The following TYK2 variants were observed in gnomAD, a reference collection of about 807,000 sequenced individuals.
The protein encoded by TYK2 is tyrosine kinase 2.
TYK2 carries 65 observed loss-of-function variants against 130.9 expected under a neutral mutation model. That is an observed-to-expected ratio of 0.50 (90% CI 0.41 to 0.61). The LOEUF (loss-of-function observed/expected upper bound fraction) is 0.61, where lower values mean the gene tolerates loss of function less well. Ranked by LOEUF, TYK2 falls within the 20% of genes least tolerant of loss-of-function variation. The pLI is 0.00. For missense variants in TYK2, 1,378 were observed against 1,610.7 expected (o/e 0.86, Z 2.47); for synonymous variants, 647 against 658.9 (o/e 0.98, Z 0.28).
rs2145150704 is a variant in TYK2, at chr19:10,353,705, T to C, written c.2909-59A>G. ...GATAGAGGGCGGGCCGGGGACCGCC[T>C]ACCTTGAGCCCAGCAGAGCCCCTCC... On this transcript the variant is annotated intron_variant, in intron 20 of 24. Coordinates refer to ENST00000525621, the MANE Select transcript of TYK2 (RefSeq NM_003331.5). The surrounding 1 kb of genome is among the most constrained non-coding windows in gnomAD (Gnocchi z 6.9). 1 of 1,285,716 alleles carries C rather than the reference T, an allele frequency of 7.8e-7. No homozygotes were observed. Among genetic ancestry groups the C allele is most frequent in the Non-Finnish European group, 1.1e-6 (1 of 950,332 alleles). The allele number at this position is 1,285,716 out of a possible 1,614,324, so 79.6% of individuals were successfully genotyped here.
chr19:10,360,331 C>CA (rs1188432993), intron 14 of TYK2, among the ~76,000 whole-genome samples: 1 of 151,950 alleles, frequency 6.6e-6, no homozygotes, highest in Non-Finnish European at 1.5e-5. Flanking sequence ...CCCATCTCTA[C>CA]AAAAAATTTT....
rs746601876 is a variant in TYK2 at position 10,364,991 on chromosome 19, T to C, written c.1069A>G (p.Lys357Glu). ...GGCTGGCCGACTGCCTTGTGAGCCT[T>C]GGCCTTCTTCCCAAACAGGCTGGCT... ...PQASLFGKKA[K>E]AHKAVGQPAD... Residue 357 changes from lysine (K) to glutamate (E), a missense_variant, in exon 8 of 25, where the codon AAG becomes GAG. Coordinates refer to ENST00000525621, the MANE Select transcript of TYK2 (RefSeq NM_003331.5). The surrounding 1 kb of genome is among the most constrained non-coding windows in gnomAD (Gnocchi z 4.9). The C allele has an allele frequency of 1.9e-6, 3 of 1,613,474 alleles. No individual in the cohort carries two copies. In the South Asian group the frequency reaches 3.3e-5, roughly 18 times the overall value.
At chr19:10,376,421 C>A (rs1044115808) in intron 3 of TYK2, among the ~76,000 whole-genome samples, 1 of 132,428 alleles carries the variant, frequency 7.6e-6, no homozygotes, top group African/African-American at 3.1e-5. Context: ...TATTCTCCTG[C>A]CTCAGCCTTC....
intron 14 of TYK2, among the ~76,000 whole-genome samples, chr19:10,360,136 C>G (rs2041326512): frequency 6.6e-6 from 1 of 150,674 alleles, no homozygotes; most frequent in African/African-American, 2.4e-5. Context: ...GAGCCGAGAT[C>G]ACGCCACTGT....
chr19:10,354,332 C>G (rs1383356771), intron 19 of TYK2, 98 bp from the exon 20 acceptor site: 1 of 1,479,160 alleles, frequency 6.8e-7, no homozygotes. Context: ...CAGATCCTTT[C>G]GGAATACCCC....
intron 3 of TYK2, among the ~76,000 whole-genome samples, chr19:10,371,509 G>T (rs567601916): frequency 6.6e-6 from 1 of 151,808 alleles, no homozygotes. Context: ...GCGTGGTGGC[G>T]CATGCCTGTA....
In TYK2 at chr19:10,353,002, A is replaced by T; in HGVS notation, c.3124T>A (p.Phe1042Ile). ...TCGGGCACGGCCTTGGCTAGGCCAA[A>T]GTCCCCGATCTTGACCAGCCTGTCG... ...DNDRLVKIGD[F>I]GLAKAVPEGH... The change falls in exon 22 of 25, where the codon TTT (phenylalanine) becomes ATT (isoleucine). Residue 1042 changes from phenylalanine to isoleucine, a missense_variant. Transcript: ENST00000525621. The surrounding 1 kb of genome is among the most constrained non-coding windows in gnomAD (Gnocchi z 6.9). The T allele has an allele frequency of 6.2e-7, 1 of 1,604,320 alleles. No individual in the cohort carries two copies. The highest frequency in any genetic ancestry group is 2.2e-5 in the East Asian group (1 of 44,540).
At chr19:10,370,211 T>C (rs1451189327) in intron 3 of TYK2, among the ~76,000 whole-genome samples, 2 of 149,242 alleles carry the variant, frequency 1.3e-5, no homozygotes, top group African/African-American at 5.0e-5. Context: ...AAAAAAAAAA[T>C]AGCTGGACCT....
chr19:10,361,300 C>T lies in TYK2; in HGVS notation c.2047+211G>A. The T allele has an allele frequency of 1.7e-5, 11 of 631,652 alleles. No homozygotes were observed. Among genetic ancestry groups the T allele is most frequent in the Non-Finnish European group, 3.2e-5 (11 of 347,722 alleles). The allele number at this position is 631,652 out of a possible 1,614,324, so 39.1% of individuals were successfully genotyped here. A position where few individuals can be genotyped will look rare whatever the true frequency, so the allele number is the denominator to read the frequency against. ...GAGACTGAGGGCAGGTGAGGGTCGA[C>T]GTGTTGGGATGTAAGTTATGGGCTG... On this transcript the variant is annotated intron_variant, in intron 14 of 24. Transcript: ENST00000525621. This position sits in a 1 kb window ranked among gnomAD's most constrained non-coding sequence, Gnocchi z 4.0.
chr19:10,361,554 C>A lies in TYK2; in HGVS notation c.2004G>T (p.Thr668=). The stretch of plus-strand genomic sequence containing the variant: ...AGACGCCATGCACGAAGGCCAGGTG[C>A]GTGTGGGAGACCTGGCTCATGAGGC... The part of the protein sequence containing the change: ...TASLMSQVSH[T]HLAFVHGVCV... Residue 668 remains threonine, a synonymous_variant, in exon 14 of 25, where the codon ACG becomes ACT. Coordinates refer to ENST00000525621, the MANE Select transcript of TYK2 (RefSeq NM_003331.5). This position sits in a 1 kb window ranked among gnomAD's most constrained non-coding sequence, Gnocchi z 4.0. The A allele has an allele frequency of 6.5e-7, 1 of 1,548,006 alleles. No homozygotes were observed. Among genetic ancestry groups the A allele is most frequent in the Non-Finnish European group, 8.7e-7 (1 of 1,146,924 alleles).
At position 10,353,942 on chromosome 19, in the gene TYK2, G is replaced by C. The variant is rs2040945492; in HGVS notation, c.2908+100C>G. 2 of 1,274,006 alleles carry C rather than the reference G, an allele frequency of 1.6e-6. No homozygotes were observed. The highest frequency in any genetic ancestry group is 2.3e-6 in the Non-Finnish European group (2 of 888,692). 78.9% of individuals were successfully genotyped at this position (1,274,006 alleles called of 1,614,324 possible). On this transcript the variant is annotated intron_variant, in intron 20 of 24. Transcript: ENST00000525621. The surrounding 1 kb of genome is among the most constrained non-coding windows in gnomAD (Gnocchi z 6.9). ...CGCGTACTGCAGCCTGGGGTTGAGA[G>C]TCTCTAATTGGCTAGGCCAGACTGG...
At chr19:10,359,474 C>A (rs2041282364) in intron 14 of TYK2, among the ~76,000 whole-genome samples, 172 bp from the exon 15 acceptor site, 1 of 152,050 alleles carries the variant, frequency 6.6e-6, no homozygotes, top group Non-Finnish European at 1.5e-5. Flanking sequence ...AGAAGAAATG[C>A]GGAATGCAGC....
At position 10,359,270 on chromosome 19, in the gene TYK2, G is replaced by A. The variant is rs751325446; in HGVS notation, c.2080C>T (p.Pro694Ser). 1 of 1,611,984 alleles carries A rather than the reference G, an allele frequency of 6.2e-7. No homozygotes were observed. Among genetic ancestry groups the A allele is most frequent in the Admixed American group, 1.7e-5 (1 of 59,982 alleles). ...TCCCTCCGCAGCCACACATCCAGGG[G>A]TCCGTGCTCCACGTACTCTGTCACC... ...IMVTEYVEHG[P>S]LDVWLRRERG... The change falls in exon 15 of 25, where the codon CCC (proline) becomes TCC (serine). Residue 694 changes from proline (P) to serine (S), a missense_variant. Physicochemically the swap from Pro to Ser is moderately conservative, Grantham distance 74 (BLOSUM62 -1). Coordinates refer to ENST00000525621, the MANE Select transcript of TYK2 (RefSeq NM_003331.5).
chr19:10,353,080 C>A lies in TYK2; in HGVS notation c.3046G>T (p.Ala1016Ser), dbSNP rs17851123. ...QICEGMAYLH[A>S]QHYIHRDLAA... ...AGGTCTCGGTGGATGTAGTGCTGCGCGTGCAGATAGGCCATGCCCTGGGGA... is the reference window on the plus strand; with the variant it reads ...AGGTCTCGGTGGATGTAGTGCTGCGAGTGCAGATAGGCCATGCCCTGGGGA... Residue 1016 changes from alanine to serine, a missense_variant, in exon 22 of 25, where the codon GCG becomes TCG. Physicochemically the swap from Ala to Ser is moderately conservative, Grantham distance 99. Coordinates refer to ENST00000525621, the MANE Select transcript of TYK2 (RefSeq NM_003331.5). This position sits in a 1 kb window ranked among gnomAD's most constrained non-coding sequence, Gnocchi z 6.9. The A allele has an allele frequency of 6.5e-7, 1 of 1,549,952 alleles. No homozygotes were observed.
At position 10,378,201 on chromosome 19, in the gene TYK2, G is replaced by C. The variant is rs578020386; in HGVS notation, c.193+13C>G. 2 of 1,612,370 alleles carry C rather than the reference G, an allele frequency of 1.2e-6. No homozygotes were observed. Among genetic ancestry groups the C allele is most frequent in the Non-Finnish European group, 1.7e-6 (2 of 1,179,772 alleles). The stretch of plus-strand genomic sequence containing the variant: ...CCACCCCAGTCCCCATGGTGCCAAC[G>C]CCCCAGACTCACCAACTTTATGTGC... On this transcript the variant is annotated intron_variant, in intron 3 of 24. Coordinates refer to ENST00000525621, the MANE Select transcript of TYK2 (RefSeq NM_003331.5).
At chr19:10,359,622 G>T (rs1207837338) in intron 14 of TYK2, among the ~76,000 whole-genome samples, 1 of 151,524 alleles carries the variant, frequency 6.6e-6, no homozygotes, top group African/African-American at 2.4e-5. Flanking sequence ...GAGGCAGGTG[G>T]ATCACCTGAG....
chr19:10,378,933 A>G (rs531613184), intron 2 of TYK2, among the ~76,000 whole-genome samples: 24 of 152,112 alleles, frequency 1.6e-4, no homozygotes, highest in African/African-American at 5.5e-4. Context: ...CAATGGTACA[A>G]TCTTGCTCAC....
At chr19:10,360,867 T>G in intron 14 of TYK2, 1 of 221,498 alleles carries the variant, frequency 4.5e-6, no homozygotes, top group Non-Finnish European at 9.3e-6. Flanking sequence ...ATCCTTCCAT[T>G]CCAGCCTCAC....
chr19:10,353,343 T>C lies in TYK2; in HGVS notation c.3027+185A>G. 5.2e-6 allele frequency: 3 copies of C among 576,000 alleles called. No individual in the cohort carries two copies. The highest frequency in any genetic ancestry group is 9.0e-6 in the Non-Finnish European group (3 of 332,146). The allele number at this position is 576,000 out of a possible 1,614,324, so 35.7% of individuals were successfully genotyped here. Reference sequence around the variant, plus strand: ...TGGGAGGGGCCGAGCCGGCTGTGCGTGGTCCCTTGGGAGGAGGGGGTGTGG... The same window carrying C: ...TGGGAGGGGCCGAGCCGGCTGTGCGCGGTCCCTTGGGAGGAGGGGGTGTGG... On this transcript the variant is annotated intron_variant, in intron 21 of 24. Coordinates refer to ENST00000525621, the MANE Select transcript of TYK2 (RefSeq NM_003331.5). This position sits in a 1 kb window ranked among gnomAD's most constrained non-coding sequence, Gnocchi z 6.9.
Sources: allele counts gnomAD v4.1 joint callset (sites outside exome capture counted in the v4.1 genomes callset), GRCh38; gene constraint gnomAD v4.1.1; non-coding constraint Gnocchi (gnomAD v3.1); transcripts MANE v1.5; gene names NCBI Gene and HGNC (gene_info 2026-07-23, HGNC 2026-07-21).